Variants in GPA33 observed in about 807,000 individuals in gnomAD.
GPA33 encodes the protein cell surface A33 antigen.
In GPA33, 27 loss-of-function variants were observed where a neutral mutation model predicts 35.6. That is an observed-to-expected ratio of 0.76 (90% CI 0.56 to 1.04). The LOEUF is 1.04. Ranked by LOEUF, GPA33 falls within the 50% of genes least tolerant of loss-of-function variation. The probability of loss-of-function intolerance (pLI) is 0.00; values close to 1 mark genes in which losing one functional copy is unlikely to be tolerated. For missense variants in GPA33, 428 were observed against 411.9 expected, an observed-to-expected ratio of 1.04 and a Z score of -0.34; for synonymous variants, 176 against 164.0, an observed-to-expected ratio of 1.07 and a Z score of -0.56.
intron 1 of GPA33, among the ~76,000 whole-genome samples, chr1:167,073,902 C>T (rs1160398298): frequency 1.3e-5 from 2 of 151,900 alleles, no homozygotes; most frequent in Non-Finnish European, 2.9e-5. Flanking sequence ...ATGGAGATAC[C>T]ATGTGTAAGT....
At chr1:167,079,309 A>G (rs1277390758) in intron 1 of GPA33, among the ~76,000 whole-genome samples, 1 of 152,032 alleles carries the variant, frequency 6.6e-6, no homozygotes, top group Non-Finnish European at 1.5e-5. Flanking sequence ...CCTGAGTAAC[A>G]AGGTGAAACC....
chr1:167,055,080 G>T lies in GPA33; in HGVS notation c.723C>A (p.Ile241=), dbSNP rs1229033619. Residue 241 remains isoleucine, a synonymous_variant, in exon 6 of 7, where the codon ATC becomes ATA. Transcript: ENST00000367868. ...TGAGGGCTGCAACCACGCCCACCGC[G>T]ATGCCCACATACAGGGCCACGTTCA... is the stretch of plus-strand genomic sequence containing the variant. ...PSMNVALYVG[I]AVGVVAALII... The T allele has an allele frequency of 6.2e-7, 1 of 1,613,444 alleles. No individual in the cohort carries two copies. Among genetic ancestry groups the T allele is most frequent in the Non-Finnish European group, 8.5e-7 (1 of 1,180,016 alleles).
chr1:167,074,156 T>C (rs774506295), intron 1 of GPA33, among the ~76,000 whole-genome samples: 5 of 151,466 alleles, frequency 3.3e-5, no homozygotes, highest in Non-Finnish European at 7.4e-5. Context: ...TAGCATATTT[T>C]ATCACACATG....
chr1:167,077,359 C>T (rs1666844471), intron 1 of GPA33, among the ~76,000 whole-genome samples: 1 of 152,176 alleles, frequency 6.6e-6, no homozygotes, highest in East Asian at 1.9e-4. Flanking sequence ...TTCTCATATG[C>T]CTGGTGTAGT....
intron 1 of GPA33, chr1:167,082,161 C>T (rs1378004610): frequency 4.6e-6 from 2 of 437,658 alleles, no homozygotes; most frequent in East Asian, 7.0e-5. Flanking sequence ...AACAGTGTCC[C>T]AGTCCTACAC....
intron 2 of GPA33, 126 bp downstream of exon 2, chr1:167,073,259 A>G: frequency 1.3e-6 from 1 of 773,712 alleles, no homozygotes; most frequent in Non-Finnish European, 2.1e-6. Flanking sequence ...CTCCCCACCC[A>G]CTCCAGCCTG....
intron 1 of GPA33, among the ~76,000 whole-genome samples, chr1:167,088,226 T>C (rs1023390988): frequency 1.5e-4 from 23 of 152,200 alleles, no homozygotes; most frequent in African/African-American, 5.3e-4. Context: ...ATGTCCCTGC[T>C]CCTAACTGGG....
intron 2 of GPA33, 145 bp downstream of exon 2, chr1:167,073,240 C>G (rs1666755832): frequency 1.5e-6 from 1 of 657,524 alleles, no homozygotes; most frequent in African/African-American, 1.8e-5. Context: ...GCCCAACATT[C>G]ACTGCTCCCT....
At chr1:167,077,206 CAA>C (rs199633456) in intron 1 of GPA33, among the ~76,000 whole-genome samples, 10 of 134,830 alleles carry the variant, frequency 7.4e-5, no homozygotes, top group Non-Finnish European at 8.1e-5. Context: ...ACTCCATTTC[CAA>C]AAAAAAAAAA....
At chr1:167,079,502 G>GAAAA (rs965851607) in intron 1 of GPA33, among the ~76,000 whole-genome samples, 2 of 145,498 alleles carry the variant, frequency 1.4e-5, no homozygotes, top group African/African-American at 5.1e-5. Context: ...AAAAAAAAAA[G>GAAAA]AAAAAAAAGA....
chr1:167,057,316 T>C (rs1172816087), intron 4 of GPA33, among the ~76,000 whole-genome samples: 1 of 152,130 alleles, frequency 6.6e-6, no homozygotes, highest in African/African-American at 2.4e-5. Flanking sequence ...GGCATATGTA[T>C]ATGTCCTGCC....
intron 5 of GPA33, among the ~76,000 whole-genome samples, 181 bp from the exon 6 acceptor site, chr1:167,055,292 T>C (rs528920796): frequency 6.6e-6 from 1 of 152,164 alleles, no homozygotes; most frequent in East Asian, 1.9e-4. Flanking sequence ...GACAGAGACA[T>C]ATGGTCCACT....
At position 167,068,957 on chromosome 1, in the gene GPA33, C is replaced by G. The variant is rs930882902; in HGVS notation, c.380G>C (p.Gly127Ala). The change falls in exon 3 of 7, where the codon GGC becomes GCC. Residue 127 changes from glycine to alanine, a missense_variant. Gly to Ala is a moderately conservative substitution (Grantham distance 60). Coordinates refer to ENST00000367868, the MANE Select transcript of GPA33 (RefSeq NM_005814.3). ...CAGGCGGACACGTGACTTGGTGTTG[C>G]CCTCCAGGTCTGACATCAGCGAGAC... ...CSVSLMSDLE[G>A]NTKSRVRLLV... The G allele has an allele frequency of 6.2e-7, 1 of 1,613,310 alleles. No homozygotes were observed. The highest frequency in any genetic ancestry group is 8.5e-7 in the Non-Finnish European group (1 of 1,179,962).
intron 1 of GPA33, among the ~76,000 whole-genome samples, chr1:167,079,562 T>A (rs1023112454): frequency 2.0e-5 from 3 of 152,160 alleles, no homozygotes; most frequent in African/African-American, 7.2e-5. Flanking sequence ...ATGTTCTTTG[T>A]AAACCTGAGA....
intron 1 of GPA33, among the ~76,000 whole-genome samples, chr1:167,086,642 T>C (rs1461552795): frequency 2.0e-5 from 3 of 152,248 alleles, no homozygotes; most frequent in Non-Finnish European, 4.4e-5. Flanking sequence ...GGAAGGGTTC[T>C]AAAATGGCAC....
chr1:167,082,041 A>C (rs945426215), intron 1 of GPA33, among the ~76,000 whole-genome samples: 4 of 152,174 alleles, frequency 2.6e-5, no homozygotes, highest in African/African-American at 9.7e-5. Context: ...AAAACCAGGA[A>C]AAGAGATTTA....
intron 1 of GPA33, among the ~76,000 whole-genome samples, chr1:167,076,407 A>G (rs981357196): frequency 9.2e-5 from 14 of 152,144 alleles, no homozygotes; most frequent in Non-Finnish European, 1.8e-4. Context: ...GAATGTTCCC[A>G]TGATGAGGCT....
rs140979502 is a variant in GPA33 at position 167,071,747 on chromosome 1, A to C, written c.198+1638T>G. Reference sequence around the variant, plus strand: ...CCCTCCTCCCATCAAAGATATCCTAAGCCTCCCTCCCTGGACCTCCGCCAG... The same window carrying C: ...CCCTCCTCCCATCAAAGATATCCTACGCCTCCCTCCCTGGACCTCCGCCAG... On this transcript the variant is annotated intron_variant, in intron 2 of 6. Transcript: ENST00000367868. Among the ~76,000 whole-genome samples the C allele has an allele frequency of 6.0e-3, 915 of 152,182 alleles. 6 individuals are homozygous for C. Among genetic ancestry groups the C allele is most frequent in the Non-Finnish European group, 9.6e-3 (653 of 68,002 alleles).
intron 1 of GPA33, among the ~76,000 whole-genome samples, chr1:167,085,405 C>A (rs993736859): frequency 2.0e-5 from 3 of 152,212 alleles, no homozygotes; most frequent in African/African-American, 7.2e-5. Flanking sequence ...GGGCCAGGCA[C>A]ACTTTCCCCA....
Sources: allele counts gnomAD v4.1 joint callset (sites outside exome capture counted in the v4.1 genomes callset), GRCh38; gene constraint gnomAD v4.1.1; transcripts MANE v1.5; gene names NCBI Gene and HGNC (gene_info 2026-07-23, HGNC 2026-07-21).